PAK5: variants seen among roughly 807,000 people sequenced by gnomAD.
PAK5 encodes p21 (RAC1) activated kinase 5.
PAK5 carries 16 observed loss-of-function variants against 65.9 expected under a neutral mutation model. That is an observed-to-expected ratio of 0.24 (90% CI 0.16 to 0.37). PAK5 has a LOEUF of 0.37. Ranked by LOEUF, PAK5 falls within the 10% of genes least tolerant of loss-of-function variation. The pLI, the probability that PAK5 is intolerant of heterozygous loss-of-function variation, is 1.00. For synonymous variants in PAK5, 371 were observed against 354.9 expected, an observed-to-expected ratio of 1.05 and a Z score of -0.51; for missense variants, 785 against 903.9, an observed-to-expected ratio of 0.87 and a Z score of 1.69.
rs2045207535 is a variant in PAK5 at position 9,538,606 on chromosome 20, G to A, written c.*856C>T. On this transcript the variant is annotated 3_prime_UTR_variant, in exon 10 of 10. Transcript: ENST00000353224. Reference sequence around the variant, plus strand: ...TACCCATTTGAGAAAGGGCACTGAGGGAAACATTGTGGTGTGCAAAAGAAT... The same window carrying A: ...TACCCATTTGAGAAAGGGCACTGAGAGAAACATTGTGGTGTGCAAAAGAAT... The A allele has an allele frequency of 8.6e-6, 2 of 233,084 alleles. No homozygotes were observed. Among genetic ancestry groups the A allele is most frequent in the Non-Finnish European group, 1.7e-5 (2 of 117,848 alleles). 14.4% of individuals were successfully genotyped at this position (233,084 alleles called of 1,614,324 possible). A position where few individuals can be genotyped will look rare whatever the true frequency, so the allele number is the denominator to read the frequency against.
At chr20:9,667,558 G>C (rs1031637887) in intron 2 of PAK5, among the ~76,000 whole-genome samples, 1 of 152,092 alleles carries the variant, frequency 6.6e-6, no homozygotes, top group African/African-American at 2.4e-5. Flanking sequence ...AGCTATCTTG[G>C]ATTTTCCAGA....
intron 1 of PAK5, among the ~76,000 whole-genome samples, chr20:9,757,119 A>G (rs1229621103): frequency 6.6e-6 from 1 of 152,006 alleles, no homozygotes; most frequent in African/African-American, 2.4e-5. Flanking sequence ...ACCCTGTCTC[A>G]TTTCTCCTCT....
At chr20:9,834,418 T>C (rs1023013877) in intron 1 of PAK5, among the ~76,000 whole-genome samples, 2 of 152,194 alleles carry the variant, frequency 1.3e-5, no homozygotes, top group Non-Finnish European at 2.9e-5. Context: ...TTCAGGATTT[T>C]GACAGAAACA....
Position 9,580,305 on chromosome 20 carries a change from C to G in PAK5, c.830G>C (p.Ser277Thr). ...RPKSSYLNQT[S>T]PQPTMRQRSR... ...CCTCTGCCGCATGGTGGGCTGAGGG[C>G]TTGTCTGATTCAGGTACGAAGACTT... The change falls in exon 4 of 10, where the codon AGC (serine) becomes ACC (threonine). Residue 277 changes from serine (S) to threonine (T), a missense_variant. Coordinates refer to ENST00000353224, the MANE Select transcript of PAK5 (RefSeq NM_177990.4). 1 of 1,614,118 alleles carries G rather than the reference C, an allele frequency of 6.2e-7. No individual in the cohort carries two copies. Among genetic ancestry groups the G allele is most frequent in the Non-Finnish European group, 8.5e-7 (1 of 1,180,036 alleles).
chr20:9,689,399 G>A (rs1216941093), intron 2 of PAK5, among the ~76,000 whole-genome samples: 1 of 152,138 alleles, frequency 6.6e-6, no homozygotes, highest in Non-Finnish European at 1.5e-5. Context: ...ATAGCAGATG[G>A]ACACTCAATT....
At chr20:9,587,046 T>C (rs2046081860) in intron 3 of PAK5, among the ~76,000 whole-genome samples, 1 of 152,172 alleles carries the variant, frequency 6.6e-6, no homozygotes, top group Non-Finnish European at 1.5e-5. Context: ...TGTGATTATT[T>C]AATACAGTAA....
intron 3 of PAK5, among the ~76,000 whole-genome samples, chr20:9,638,801 C>G (rs2091943793): frequency 6.6e-6 from 1 of 152,180 alleles, no homozygotes; most frequent in South Asian, 2.1e-4. Flanking sequence ...CCTAACTAAT[C>G]AAGGAAGAGT....
At chr20:9,793,108 A>T (rs1423837280) in intron 1 of PAK5, among the ~76,000 whole-genome samples, 1 of 152,136 alleles carries the variant, frequency 6.6e-6, no homozygotes, top group Admixed American at 6.6e-5. Context: ...TTTATGTATC[A>T]CATCAATACA....
At chr20:9,568,975 C>T (rs575819227) in intron 4 of PAK5, among the ~76,000 whole-genome samples, 8 of 152,328 alleles carry the variant, frequency 5.3e-5, no homozygotes, top group South Asian at 2.1e-4. Context: ...CCTCCAGGTC[C>T]AGTTGATCCT....
chr20:9,658,901 A>G (rs146583369), intron 2 of PAK5, among the ~76,000 whole-genome samples: 1,791 of 152,308 alleles, frequency 0.012, 35 homozygotes, highest in African/African-American at 0.04. Context: ...TAGTTGGCAG[A>G]GGAATGCTGT....
At chr20:9,793,338 A>G (rs2049070107) in intron 1 of PAK5, among the ~76,000 whole-genome samples, 1 of 152,182 alleles carries the variant, frequency 6.6e-6, no homozygotes, top group South Asian at 2.1e-4. Context: ...TGTAAATAGT[A>G]TCAATGTATG....
At chr20:9,578,477 A>G (rs1171031285) in intron 4 of PAK5, among the ~76,000 whole-genome samples, 1 of 152,216 alleles carries the variant, frequency 6.6e-6, no homozygotes, top group Non-Finnish European at 1.5e-5. Context: ...ATAAGGCTCC[A>G]GGACCAAAAT....
intron 2 of PAK5, among the ~76,000 whole-genome samples, chr20:9,646,756 T>C (rs2047140074): frequency 6.6e-6 from 1 of 152,228 alleles, no homozygotes; most frequent in African/African-American, 2.4e-5. Flanking sequence ...GTGGCTTGTC[T>C]GCCCTCTTGC....
At chr20:9,688,841 C>G (rs2047755357) in intron 2 of PAK5, among the ~76,000 whole-genome samples, 1 of 152,084 alleles carries the variant, frequency 6.6e-6, no homozygotes, top group Non-Finnish European at 1.5e-5. Flanking sequence ...TATATAAATT[C>G]TAACTTACAT....
intron 3 of PAK5, among the ~76,000 whole-genome samples, chr20:9,612,889 C>T (rs1454785698): frequency 6.6e-6 from 1 of 151,996 alleles, no homozygotes; most frequent in African/African-American, 2.4e-5. Context: ...TTAGTTTTTA[C>T]TGTATCTCCC....
intron 1 of PAK5, among the ~76,000 whole-genome samples, chr20:9,773,585 T>C (rs2048856748): frequency 6.6e-6 from 1 of 152,058 alleles, no homozygotes; most frequent in Admixed American, 6.6e-5. Context: ...TTGATGTGGC[T>C]AGGAAGTATA....
At chr20:9,607,934 C>T (rs886826720) in intron 3 of PAK5, among the ~76,000 whole-genome samples, 1 of 152,190 alleles carries the variant, frequency 6.6e-6, no homozygotes, top group African/African-American at 2.4e-5. Flanking sequence ...GACTGAGTGG[C>T]TTTTAAACAA....
intron 1 of PAK5, among the ~76,000 whole-genome samples, chr20:9,746,062 A>G (rs971935656): frequency 2.0e-5 from 3 of 152,174 alleles, no homozygotes; most frequent in African/African-American, 7.2e-5. Context: ...AAACTTTCTC[A>G]TCTCCCATAC....
At chr20:9,752,994 C>T (rs2048593604) in intron 1 of PAK5, among the ~76,000 whole-genome samples, 1 of 152,098 alleles carries the variant, frequency 6.6e-6, no homozygotes, top group South Asian at 2.1e-4. Flanking sequence ...TGACAGACTA[C>T]ACAGAAAGTG....
Sources: allele counts gnomAD v4.1 joint callset (sites outside exome capture counted in the v4.1 genomes callset), GRCh38; gene constraint gnomAD v4.1.1; transcripts MANE v1.5; gene names NCBI Gene and HGNC (gene_info 2026-07-23, HGNC 2026-07-21).